The following STK33 variants were observed in gnomAD, a reference collection of about 807,000 sequenced individuals.
STK33 encodes serine/threonine-protein kinase 33.
A neutral mutation model predicts 58.0 loss-of-function variants in STK33; 52 were observed. The observed-to-expected ratio is 0.90, with a 90% CI of 0.72 to 1.13. The LOEUF is 1.13. Ranked by LOEUF, STK33 falls within the 50% of genes most tolerant of loss-of-function variation. The pLI is 0.00. For missense variants in STK33, 630 were observed against 604.2 expected (o/e 1.04, Z -0.45); for synonymous variants, 215 against 200.1 (o/e 1.07, Z -0.63).
At chr11:8,426,545 C>T (rs75600349) in intron 14 of STK33, among the ~76,000 whole-genome samples, 24,849 of 152,226 alleles carry the variant, frequency 0.16, 2,370 homozygotes, top group South Asian at 0.3. Flanking sequence ...ACCTTGGCCT[C>T]CCAAAGTGCT....
intron 11 of STK33, among the ~76,000 whole-genome samples, chr11:8,446,351 A>G (rs1945462740): frequency 6.6e-6 from 1 of 152,050 alleles, no homozygotes; most frequent in Non-Finnish European, 1.5e-5. Flanking sequence ...TGATTGTTTG[A>G]AGGGTTTTTC....
the STK33 span, among the ~76,000 whole-genome samples, chr11:8,363,220 A>G: frequency 1.3e-5 from 2 of 152,188 alleles, no homozygotes; most frequent in African/African-American, 2.4e-5. Flanking sequence ...AGAAGGGGAA[A>G]AAGGCCAGCC....
chr11:8,588,688 T>G (rs1350236851), intron 1 of STK33, among the ~76,000 whole-genome samples: 1 of 152,136 alleles, frequency 6.6e-6, no homozygotes, highest in African/African-American at 2.4e-5. Flanking sequence ...AATTAAAAAT[T>G]TTTGTGCTTC....
intron 11 of STK33, among the ~76,000 whole-genome samples, chr11:8,448,562 G>A (rs1945830353): frequency 6.6e-6 from 1 of 152,088 alleles, no homozygotes; most frequent in Admixed American, 6.5e-5. Context: ...AATGGTGCTG[G>A]GAAAACTGGC....
chr11:8,523,249 G>C (rs1051948230), intron 1 of STK33, among the ~76,000 whole-genome samples: 3 of 152,138 alleles, frequency 2.0e-5, no homozygotes, highest in South Asian at 4.2e-4. Context: ...CTGCCTGGCC[G>C]CCCATCATCT....
chr11:8,584,951 G>T (rs570764984), intron 1 of STK33, among the ~76,000 whole-genome samples: 2 of 147,816 alleles, frequency 1.4e-5, no homozygotes, highest in South Asian at 2.1e-4. Flanking sequence ...TTGAGATGGA[G>T]TATCACTGTC....
rs139207102 is a variant in STK33, at chr11:8,492,430, C to T, written c.-465-11816G>A. Among the ~76,000 whole-genome samples, 1,050 of 152,272 alleles carry T rather than the reference C, an allele frequency of 6.9e-3. 12 individuals carry two copies. Among genetic ancestry groups the T allele is most frequent in the African/African-American group, 0.023 (958 of 41,552 alleles). On this transcript the variant is annotated intron_variant, in intron 1 of 15. Transcript: ENST00000687296. ...ATTATATATGTACCCAATACCAGAG[C>T]ACCCAGATTCATAAAGCAAGTCATT...
At chr11:8,432,669 G>C (rs1476996807) in intron 14 of STK33, among the ~76,000 whole-genome samples, 1 of 152,142 alleles carries the variant, frequency 6.6e-6, no homozygotes, top group Non-Finnish European at 1.5e-5. Flanking sequence ...TATTACAAAA[G>C]GTAAGCTCTG....
At chr11:8,582,203 TAAAC>T (rs1388314366) in intron 1 of STK33, among the ~76,000 whole-genome samples, 2 of 152,272 alleles carry the variant, frequency 1.3e-5, no homozygotes, top group Non-Finnish European at 2.9e-5. Flanking sequence ...ATCAATTTGA[TAAAC>T]AAAAAAACAT....
intron 1 of STK33, among the ~76,000 whole-genome samples, chr11:8,499,203 T>C (rs974152412): frequency 1.3e-5 from 2 of 152,072 alleles, no homozygotes; most frequent in Admixed American, 1.3e-4. Flanking sequence ...GGCTAATATC[T>C]AGAATCTACA....
At chr11:8,527,533 G>A (rs1954156510) in intron 1 of STK33, among the ~76,000 whole-genome samples, 1 of 152,006 alleles carries the variant, frequency 6.6e-6, no homozygotes, top group African/African-American at 2.4e-5. Context: ...AGAGGGTTGG[G>A]GTGGAAGACA....
chr11:8,352,384 G>C, the STK33 span, among the ~76,000 whole-genome samples: 622 of 152,236 alleles, frequency 4.1e-3, 3 homozygotes, highest in Non-Finnish European at 7.1e-3. Flanking sequence ...GTATTGTCTG[G>C]GGGTGGCAGC....
In STK33 at chr11:8,531,316, A is replaced by C. The variant is rs1565289574; in HGVS notation, c.-465-50702T>G. Among the ~76,000 whole-genome samples the C allele has an allele frequency of 2.0e-5, 3 of 152,362 alleles. No homozygotes were observed. In the East Asian group the frequency reaches 5.8e-4, roughly 29 times the overall value. On this transcript the variant is annotated intron_variant, in intron 1 of 15. Coordinates refer to ENST00000687296, the MANE Select transcript of STK33 (RefSeq NM_001352389.2). ...GCAATTATAAGACAATAGTACTTGC[A>C]ATTTTGCGTGCTATTTACAAATGCT...
chr11:8,413,120 G>A (rs943964419), intron 15 of STK33, among the ~76,000 whole-genome samples: 2 of 152,096 alleles, frequency 1.3e-5, no homozygotes, highest in Admixed American at 6.6e-5. Context: ...TGTTTTGGGG[G>A]AAAAAATAGT....
intron 1 of STK33, among the ~76,000 whole-genome samples, chr11:8,497,191 A>G (rs1487389028): frequency 1.3e-5 from 2 of 152,226 alleles, no homozygotes; most frequent in African/African-American, 4.8e-5. Context: ...ATATTTGAAG[A>G]AATAATGGCC....
the STK33 span, among the ~76,000 whole-genome samples, chr11:8,353,218 C>A: frequency 2.0e-5 from 3 of 152,222 alleles, no homozygotes; most frequent in African/African-American, 7.2e-5. Flanking sequence ...GGACCCAGGG[C>A]TCACACCCTT....
chr11:8,454,632 T>G (rs1036789458), intron 10 of STK33, 112 bp downstream of exon 10: 204 of 1,299,388 alleles, frequency 1.6e-4, no homozygotes, highest in Non-Finnish European at 1.9e-4. Context: ...ACAAGCCACT[T>G]ATTTTCTGGC....
rs765999762 is a variant in STK33 at position 8,464,766 on chromosome 11, T to G, written c.396A>C (p.Glu132Asp). 1.9e-6 allele frequency: 3 copies of G among 1,613,804 alleles called. No individual in the cohort carries two copies. The South Asian group carries it at 3.3e-5, about 18-fold the overall frequency. ...LGKGSFGIVIEATDKETETKW... is the reference protein window; with the variant it reads ...LGKGSFGIVIDATDKETETKW... ...TCGTTTCTGTTTCCTTGTCTGTCGCTTCAATGACTATTCCAAAGCTCCCTT... is the reference window on the plus strand; with the variant it reads ...TCGTTTCTGTTTCCTTGTCTGTCGCGTCAATGACTATTCCAAAGCTCCCTT... The change falls in exon 7 of 16, where the codon GAA becomes GAC. Residue 132 changes from glutamate to aspartate, a missense_variant. Physicochemically the swap from Glu to Asp is conservative, Grantham distance 45. Coordinates refer to ENST00000687296, the MANE Select transcript of STK33 (RefSeq NM_001352389.2).
intron 12 of STK33, among the ~76,000 whole-genome samples, chr11:8,439,885 A>ATATATATATATATATATC (rs1311904285): frequency 7.0e-6 from 1 of 142,048 alleles, no homozygotes; most frequent in Non-Finnish European, 1.5e-5. Flanking sequence ...ATATATATAT[A>ATATATATATATATATATC]TCAGAGGCTT....
Sources: allele counts gnomAD v4.1 joint callset (sites outside exome capture counted in the v4.1 genomes callset), GRCh38; gene constraint gnomAD v4.1.1; transcripts MANE v1.5; gene names NCBI Gene and HGNC (gene_info 2026-07-23, HGNC 2026-07-21).